Variants in MCPH1 observed in about 807,000 individuals in gnomAD.
MCPH1 encodes microcephalin.
MCPH1 carries 104 observed loss-of-function variants against 84.5 expected under a neutral mutation model. That is an observed-to-expected ratio of 1.23 (90% CI 1.05 to 1.45). MCPH1 has a LOEUF of 1.45. Among genes scored for constraint, MCPH1 ranks in the 40% most tolerant of loss-of-function variants. The pLI, the probability that MCPH1 is intolerant of heterozygous loss-of-function variation, is 0.00. For synonymous variants in MCPH1, 514 were observed against 366.8 expected, an observed-to-expected ratio of 1.40 and a Z score of -4.58; for missense variants, 1,498 against 1,005.7, an observed-to-expected ratio of 1.49 and a Z score of -6.62.
At chr8:6,625,466 C>T in intron 13 of MCPH1, 1 of 985,098 alleles carries the variant, frequency 1.0e-6, no homozygotes, top group Non-Finnish European at 1.2e-6. Context: ...CAAAATATCG[C>T]AATATTGAAA....
intron 9 of MCPH1, among the ~76,000 whole-genome samples, chr8:6,464,040 T>C (rs1438355777): frequency 6.6e-6 from 1 of 152,220 alleles, no homozygotes; most frequent in Admixed American, 6.5e-5. Context: ...TTTAGGGGAA[T>C]TGCCACACTT....
At chr8:6,490,386 G>C (rs1810423901) in intron 11 of MCPH1, among the ~76,000 whole-genome samples, 1 of 152,134 alleles carries the variant, frequency 6.6e-6, no homozygotes, top group African/African-American at 2.4e-5. Context: ...ATGTTCCTCA[G>C]GGACTTTGGG....
At chr8:6,595,459 G>A (rs1278566491) in intron 12 of MCPH1, among the ~76,000 whole-genome samples, 2 of 152,208 alleles carry the variant, frequency 1.3e-5, no homozygotes, top group Admixed American at 6.5e-5. Flanking sequence ...AGTGTTCCCT[G>A]GAGAGGGAGC....
chr8:6,595,788 G>A (rs1828882016), intron 12 of MCPH1, among the ~76,000 whole-genome samples: 1 of 152,154 alleles, frequency 6.6e-6, no homozygotes, highest in Non-Finnish European at 1.5e-5. Flanking sequence ...AGAGCATCAG[G>A]GGCAAGAGTT....
At chr8:6,602,187 G>A (rs1398045811) in intron 12 of MCPH1, among the ~76,000 whole-genome samples, 1 of 152,262 alleles carries the variant, frequency 6.6e-6, no homozygotes, top group Non-Finnish European at 1.5e-5. Flanking sequence ...AAAGACTTAG[G>A]AAGGGTGCTC....
chr8:6,496,690 C>G (rs954391591), intron 11 of MCPH1, among the ~76,000 whole-genome samples: 1 of 152,144 alleles, frequency 6.6e-6, no homozygotes, highest in Non-Finnish European at 1.5e-5. Context: ...AGTGTTATGA[C>G]TAACAGTAAT....
At chr8:6,461,262 C>G in intron 9 of MCPH1, among the ~76,000 whole-genome samples, 1 of 142,242 alleles carries the variant, frequency 7.0e-6, no homozygotes, top group South Asian at 2.2e-4. Context: ...ATAAATCAGT[C>G]AGAAAAAGAG....
intron 12 of MCPH1, among the ~76,000 whole-genome samples, chr8:6,545,479 C>T (rs894557109): frequency 1.3e-5 from 2 of 152,150 alleles, no homozygotes; most frequent in Admixed American, 1.3e-4. Flanking sequence ...CTAGGAGCAC[C>T]TAAATAATGC....
At position 6,439,661 on chromosome 8, in the gene MCPH1, G is replaced by A. The variant is rs779681032; in HGVS notation, c.580+565G>A. 3.2e-4 allele frequency among the ~76,000 whole-genome samples: 49 copies of A among 152,068 alleles called. 2 individuals are homozygous for A. Among genetic ancestry groups the A allele is most frequent in the African/African-American group, 1.1e-3 (47 of 41,472 alleles). ...ATACACCCGCCTCGGCCTCCCAAAC[G>A]GCTGGGACTGTAATCCAGGCGTGAG... On this transcript the variant is annotated intron_variant, in intron 6 of 13. Coordinates refer to ENST00000344683, the MANE Select transcript of MCPH1 (RefSeq NM_024596.5).
intron 9 of MCPH1, among the ~76,000 whole-genome samples, chr8:6,464,235 T>C (rs1183114632): frequency 6.6e-6 from 1 of 152,174 alleles, no homozygotes; most frequent in African/African-American, 2.4e-5. Flanking sequence ...TAAATCACTT[T>C]TGGCAGAGTG....
chr8:6,584,100 C>A (rs546925975), intron 12 of MCPH1, among the ~76,000 whole-genome samples: 1 of 152,248 alleles, frequency 6.6e-6, no homozygotes, highest in South Asian at 2.1e-4. Context: ...CTGCCACAGT[C>A]ACTTCCCAGA....
chr8:6,586,679 G>A (rs1358270738), intron 12 of MCPH1, among the ~76,000 whole-genome samples: 1 of 152,210 alleles, frequency 6.6e-6, no homozygotes, highest in African/African-American at 2.4e-5. Context: ...TGAGTATCAA[G>A]GGACAAAGCT....
intron 12 of MCPH1, among the ~76,000 whole-genome samples, chr8:6,606,669 C>G (rs1210014233): frequency 6.6e-6 from 1 of 152,140 alleles, no homozygotes; most frequent in Non-Finnish European, 1.5e-5. Context: ...GGTGTGGCAT[C>G]CACAACAAAA....
At chr8:6,504,095 GA>G (rs2129563718) in intron 12 of MCPH1, among the ~76,000 whole-genome samples, 1 of 152,232 alleles carries the variant, frequency 6.6e-6, no homozygotes, top group African/African-American at 2.4e-5. Flanking sequence ...GAGGTGGGTG[GA>G]TCACGAGATC....
In MCPH1 at chr8:6,647,226, C is replaced by T. The variant is rs1798256775; in HGVS notation, c.*4177C>T. The T allele has an allele frequency of 6.6e-6, 1 of 152,092 alleles. No individual in the cohort carries two copies. The highest frequency in any genetic ancestry group is 2.4e-5 in the African/African-American group (1 of 41,418). The allele number at this position is 152,092 out of a possible 1,614,324, so 9.4% of individuals were successfully genotyped here. On this transcript the variant is annotated 3_prime_UTR_variant, in exon 14 of 14. Coordinates refer to ENST00000344683, the MANE Select transcript of MCPH1 (RefSeq NM_024596.5). The stretch of plus-strand genomic sequence containing the variant: ...TACAAATTAAAGGCCCAATGAAATA[C>T]CTATTACACACCCATTAGAATGACT...
chr8:6,521,344 T>G (rs763582238), intron 12 of MCPH1: 1 of 1,613,848 alleles, frequency 6.2e-7, no homozygotes, highest in Non-Finnish European at 8.5e-7. Context: ...GATCTTTCTC[T>G]TCTTTTATTG....
chr8:6,600,840 A>G, intron 12 of MCPH1, among the ~76,000 whole-genome samples: 1 of 152,180 alleles, frequency 6.6e-6, no homozygotes, highest in South Asian at 2.1e-4. Flanking sequence ...GGCTCCCATC[A>G]AGGGTGAGTG....
At chr8:6,525,053 C>T (rs562189052) in intron 12 of MCPH1, among the ~76,000 whole-genome samples, 4 of 152,338 alleles carry the variant, frequency 2.6e-5, no homozygotes, top group African/African-American at 7.2e-5. Context: ...TCTCGGGCCC[C>T]TTTTAGTTCG....
chr8:6,627,869 G>A (rs1052280312), intron 13 of MCPH1, among the ~76,000 whole-genome samples: 15 of 151,992 alleles, frequency 9.9e-5, no homozygotes, highest in African/African-American at 3.4e-4. Flanking sequence ...TCCAGCCTGT[G>A]CGACAGAGTG....
Sources: gnomAD v4.1 joint callset for allele counts (sites outside exome capture counted in the v4.1 genomes callset) on GRCh38, gnomAD v4.1.1 for gene constraint, MANE v1.5 for transcripts, NCBI Gene and HGNC (gene_info 2026-07-23, HGNC 2026-07-21) for gene names.